Variants in SETBP1 observed in about 807,000 individuals in gnomAD.
The protein encoded by SETBP1 is SET binding protein 1.
A neutral mutation model predicts 101.0 loss-of-function variants in SETBP1; 9 were observed. The observed-to-expected ratio is 0.09, with a 90% confidence interval of 0.05 to 0.16. The LOEUF (loss-of-function observed/expected upper bound fraction) is 0.16. Among genes scored for constraint, SETBP1 ranks in the 10% least tolerant of loss-of-function variants. SETBP1 has a pLI of 1.00. For missense variants in SETBP1, 1,858 were observed against 2,033.8 expected (o/e 0.91, Z 1.66); for synonymous variants, 818 against 788.5 (o/e 1.04, Z -0.63).
intron 2 of SETBP1, among the ~76,000 whole-genome samples, chr18:44,807,629 A>C (rs890428189): frequency 2.0e-5 from 3 of 152,224 alleles, no homozygotes; most frequent in Non-Finnish European, 4.4e-5. Flanking sequence ...TTATTTGCTG[A>C]AGTCCATTTA....
intron 4 of SETBP1, among the ~76,000 whole-genome samples, chr18:44,995,135 C>CTTTTTTTTTTTTT (rs58617770): frequency 1.1e-5 from 1 of 95,026 alleles, no homozygotes; most frequent in Non-Finnish European, 2.0e-5. Flanking sequence ...ATGTTATTTA[C>CTTTTTTTTTTTTT]TTTTTTTTTT....
At chr18:44,736,892 G>A (rs930084965) in intron 2 of SETBP1, among the ~76,000 whole-genome samples, 1 of 152,134 alleles carries the variant, frequency 6.6e-6, no homozygotes, top group African/African-American at 2.4e-5. Flanking sequence ...TCTCCATTGT[G>A]CCCCAGGCAA....
intron 5 of SETBP1, 82 bp downstream of exon 5, chr18:45,038,737 C>T (rs1017360565): frequency 3.4e-6 from 5 of 1,453,342 alleles, no homozygotes; most frequent in Admixed American, 3.4e-5. Context: ...CTGTTGAATA[C>T]AGGTAAGAGT....
intron 3 of SETBP1, among the ~76,000 whole-genome samples, chr18:44,900,392 A>C (rs911316380): frequency 4.6e-5 from 7 of 152,338 alleles, no homozygotes; most frequent in Middle Eastern, 3.4e-3. Flanking sequence ...TTGACTGTTG[A>C]TCATTATAGT....
chr18:45,063,185 C>T lies in SETBP1; in HGVS notation c.4278C>T (p.Asn1426=). The T allele has an allele frequency of 6.2e-7, 1 of 1,614,050 alleles. No individual in the cohort carries two copies. The highest frequency in any genetic ancestry group is 1.3e-5 in the African/African-American group (1 of 75,000). ...CCAAGATCCTGTCCACCAAGAAGAA[C>T]CTGGACCACGTGAACAAGATCCTGA... The part of the protein sequence containing the change: ...NYTKILSTKK[N]LDHVNKILKA... The change falls in exon 6 of 6, where the codon AAC becomes AAT. Residue 1426 remains asparagine, a synonymous_variant. Transcript: ENST00000649279.
intron 2 of SETBP1, among the ~76,000 whole-genome samples, chr18:44,749,558 A>G (rs555950857): frequency 2.6e-5 from 4 of 152,312 alleles, no homozygotes; most frequent in Admixed American, 1.3e-4. Flanking sequence ...AGTATGAAGG[A>G]CTGATACTGT....
intron 2 of SETBP1, among the ~76,000 whole-genome samples, chr18:44,819,985 A>G (rs1469474906): frequency 6.6e-6 from 1 of 152,220 alleles, no homozygotes; most frequent in Non-Finnish European, 1.5e-5. Flanking sequence ...TGTACACGTC[A>G]TCATTGCTGA....
At chr18:44,733,327 A>G (rs563669227) in intron 2 of SETBP1, 1 of 152,322 alleles carries the variant, frequency 6.6e-6, no homozygotes, top group South Asian at 2.1e-4. Context: ...GGCTCAAATA[A>G]CAAGCCCCAA....
intron 3 of SETBP1, among the ~76,000 whole-genome samples, chr18:44,932,348 C>G (rs142157102): frequency 3.5e-4 from 53 of 152,348 alleles, no homozygotes; most frequent in African/African-American, 1.2e-3. Flanking sequence ...GTAACCCGAC[C>G]TTTATCTCTG....
chr18:44,998,196 C>A (rs1417412510), intron 4 of SETBP1, among the ~76,000 whole-genome samples: 2 of 152,310 alleles, frequency 1.3e-5, no homozygotes, highest in African/African-American at 4.8e-5. Context: ...TGGTTCGGGG[C>A]AGAGAGGACA....
chr18:44,701,261 AT>A lies in SETBP1; in HGVS notation c.-82del. The stretch of plus-strand genomic sequence containing the variant: ...GCAACTGGACCACTTTGTTCTTGGA[AT>A]TTTGGGTGTCCTCTTTTCTCACCTT... On this transcript the variant is annotated 5_prime_UTR_variant, in exon 2 of 6. Coordinates refer to ENST00000649279, the MANE Select transcript of SETBP1 (RefSeq NM_015559.3). 7.0e-7 allele frequency: 1 copy of A among 1,422,466 alleles called. No homozygotes were observed. Among genetic ancestry groups the A allele is most frequent in the Non-Finnish European group, 9.3e-7 (1 of 1,076,796 alleles). The allele number at this position is 1,422,466 out of a possible 1,614,324, so 88.1% of individuals were successfully genotyped here.
At chr18:44,723,022 G>T (rs1459300749) in intron 2 of SETBP1, among the ~76,000 whole-genome samples, 1 of 152,132 alleles carries the variant, frequency 6.6e-6, no homozygotes, top group East Asian at 1.9e-4. Context: ...TTAGGCTGGA[G>T]GTTGAAAATT....
chr18:45,063,536 T>A lies in SETBP1; in HGVS notation c.4629T>A (p.Pro1543=). ...CACCACCCCTGCCCCCGCCACCCCC[T>A]CTACCCAAGACCCCCCGAGGCGGAA... ...PPPPPLPPPP[P]LPKTPRGGKR... Residue 1543 remains proline, a synonymous_variant, in exon 6 of 6, where the codon CCT becomes CCA. Coordinates refer to ENST00000649279, the MANE Select transcript of SETBP1 (RefSeq NM_015559.3). 4.1e-6 allele frequency: 2 copies of A among 483,214 alleles called. No homozygotes were observed. Among genetic ancestry groups the A allele is most frequent in the Non-Finnish European group, 4.7e-6 (2 of 423,066 alleles). 29.9% of individuals were successfully genotyped at this position (483,214 alleles called of 1,614,324 possible). A position where few individuals can be genotyped will look rare whatever the true frequency, so the allele number is the denominator to read the frequency against.
At chr18:44,691,198 A>C (rs2068926035) in intron 1 of SETBP1, among the ~76,000 whole-genome samples, 1 of 152,212 alleles carries the variant, frequency 6.6e-6, no homozygotes, top group Non-Finnish European at 1.5e-5. Flanking sequence ...CTGGCACAGA[A>C]AGTGTGTGCT....
At chr18:44,978,544 T>C (rs912353622) in intron 4 of SETBP1, among the ~76,000 whole-genome samples, 1 of 152,210 alleles carries the variant, frequency 6.6e-6, no homozygotes, top group Non-Finnish European at 1.5e-5. Context: ...GATATCTGCC[T>C]CTGCCCAAGG....
At chr18:44,970,659 C>A (rs549948891) in intron 4 of SETBP1, among the ~76,000 whole-genome samples, 2 of 152,032 alleles carry the variant, frequency 1.3e-5, no homozygotes, top group Middle Eastern at 3.4e-3. Flanking sequence ...TCAAACGATT[C>A]TCCTGCCTCA....
At chr18:44,801,839 C>G (rs1356529183) in intron 2 of SETBP1, among the ~76,000 whole-genome samples, 1 of 150,374 alleles carries the variant, frequency 6.7e-6, no homozygotes, top group African/African-American at 2.4e-5. Context: ...GCACTTCCTA[C>G]GTTGTGGTAG....
intron 2 of SETBP1, among the ~76,000 whole-genome samples, chr18:44,848,759 G>A (rs644286): frequency 0.32 from 47,955 of 152,116 alleles, 7,583 homozygotes; most frequent in South Asian, 0.38. Context: ...GAAGCCTCCC[G>A]ATGATTCCGG....
intron 5 of SETBP1, among the ~76,000 whole-genome samples, chr18:45,050,310 C>A (rs560084581): frequency 8.5e-5 from 13 of 152,210 alleles, no homozygotes; most frequent in Non-Finnish European, 1.9e-4. Flanking sequence ...TTGAAAGCTA[C>A]CTCCTCACCC....
Sources: gnomAD v4.1 joint callset for allele counts (sites outside exome capture counted in the v4.1 genomes callset) on GRCh38, gnomAD v4.1.1 for gene constraint, MANE v1.5 for transcripts, NCBI Gene and HGNC (gene_info 2026-07-23, HGNC 2026-07-21) for gene names.